The following MAPK10 variants were observed in gnomAD, a reference collection of about 807,000 sequenced individuals.
The protein encoded by MAPK10 is JNK3 alpha protein kinase.
MAPK10 carries 25 observed loss-of-function variants against 59.3 expected under a neutral mutation model. That is an observed-to-expected ratio of 0.42 (90% confidence interval 0.31 to 0.59). The LOEUF (loss-of-function observed/expected upper bound fraction) is 0.59, where lower values mean the gene tolerates loss of function less well. Among genes scored for constraint, MAPK10 ranks in the 20% least tolerant of loss-of-function variants. The pLI is 0.15. For missense variants in MAPK10, 351 were observed against 568.9 expected, an observed-to-expected ratio of 0.62 and a Z score of 3.90; for synonymous variants, 190 against 200.5, an observed-to-expected ratio of 0.95 and a Z score of 0.44.
chr4:86,144,464 C>T (rs1194856621), intron 4 of MAPK10, among the ~76,000 whole-genome samples: 1 of 151,980 alleles, frequency 6.6e-6, no homozygotes, highest in Non-Finnish European at 1.5e-5. Context: ...TATAGAAGAA[C>T]CTCTAGAGAA....
At chr4:86,067,737 T>A in intron 10 of MAPK10, 36 bp downstream of exon 10, 1 of 1,571,826 alleles carries the variant, frequency 6.4e-7, no homozygotes, top group South Asian at 1.2e-5. Flanking sequence ...CCCGTCACCC[T>A]CATAGTTGTC....
chr4:86,106,344 T>C (rs765441743), intron 5 of MAPK10, among the ~76,000 whole-genome samples: 1 of 151,888 alleles, frequency 6.6e-6, no homozygotes, highest in Admixed American at 6.6e-5. Flanking sequence ...AGAGTTATTA[T>C]AGCTATTATA....
At chr4:86,224,985 G>C (rs2090358672) in intron 2 of MAPK10, among the ~76,000 whole-genome samples, 1 of 152,168 alleles carries the variant, frequency 6.6e-6, no homozygotes, top group Non-Finnish European at 1.5e-5. Flanking sequence ...AAGGAACCTT[G>C]AAGTTAACTG....
chr4:86,366,630 A>T lies in MAPK10; in HGVS notation c.-121-11986T>A, dbSNP rs535579107. ...GACAATTGATGGAGATTTACATAGC[A>T]ATCAACAGATGAGAATTCAGACTCT... is the stretch of plus-strand genomic sequence containing the variant. On this transcript the variant is annotated intron_variant, in intron 1 of 13. Coordinates refer to the MAPK10 transcript ENST00000361569. Among the ~76,000 whole-genome samples, 6 of 152,246 alleles carry T rather than the reference A, an allele frequency of 3.9e-5. No homozygotes were observed. The South Asian group carries it at 8.3e-4, about 21-fold the overall frequency.
At chr4:86,283,264 A>C (rs1205141768) in intron 2 of MAPK10, among the ~76,000 whole-genome samples, 2 of 152,200 alleles carry the variant, frequency 1.3e-5, no homozygotes, top group African/African-American at 4.8e-5. Context: ...CAACATGAGA[A>C]GACTGAATAA....
At chr4:86,468,925 A>G (rs1296728123) in intron 1 of MAPK10, among the ~76,000 whole-genome samples, 2 of 152,102 alleles carry the variant, frequency 1.3e-5, no homozygotes, top group Admixed American at 6.6e-5. Context: ...TGTGTAGTAG[A>G]GGTAGGATTA....
intron 2 of MAPK10, chr4:86,335,278 A>T (rs919815518): frequency 6.6e-6 from 1 of 152,238 alleles, no homozygotes; most frequent in Non-Finnish European, 1.5e-5. Context: ...ATCAAACTCT[A>T]TTCAAACTAA....
chr4:86,529,345 C>T (rs1409398731), intron 1 of MAPK10, among the ~76,000 whole-genome samples: 1 of 152,168 alleles, frequency 6.6e-6, no homozygotes, highest in African/African-American at 2.4e-5. Context: ...TCTGCACCAA[C>T]TCTCAAGTCT....
At chr4:86,139,549 C>T (rs1284917006) in intron 4 of MAPK10, among the ~76,000 whole-genome samples, 1 of 152,060 alleles carries the variant, frequency 6.6e-6, no homozygotes, top group Non-Finnish European at 1.5e-5. Context: ...GGATTAAAGA[C>T]TTAAACGTTA....
chr4:86,199,362 A>T lies in MAPK10; in HGVS notation c.-6-4955T>A, dbSNP rs554260220. On this transcript the variant is annotated intron_variant, in intron 2 of 13. Coordinates refer to ENST00000641462, the MANE Select transcript of MAPK10 (RefSeq NM_138982.4). ...TTTAGTGGAATACCATATAGCAATG[A>T]AATAGTTGAATAGTGAAACAAGTAT... 4.6e-5 allele frequency among the ~76,000 whole-genome samples: 7 copies of T among 152,252 alleles called. No homozygotes were observed. The East Asian group carries it at 1.4e-3, about 29-fold the overall frequency.
chr4:86,215,789 G>C (rs1022379292), intron 2 of MAPK10, among the ~76,000 whole-genome samples: 2 of 152,168 alleles, frequency 1.3e-5, no homozygotes, highest in African/African-American at 4.8e-5. Flanking sequence ...TTGAACCCGG[G>C]AGGCGGAGGT....
At chr4:86,034,205 G>C (rs2039700646) in intron 11 of MAPK10, among the ~76,000 whole-genome samples, 1 of 152,136 alleles carries the variant, frequency 6.6e-6, no homozygotes, top group Non-Finnish European at 1.5e-5. Flanking sequence ...AGTTATCAGG[G>C]CCTGTGACTT....
intron 1 of MAPK10, among the ~76,000 whole-genome samples, chr4:86,586,854 G>T (rs1447119627): frequency 6.6e-6 from 1 of 152,150 alleles, no homozygotes; most frequent in African/African-American, 2.4e-5. Context: ...AAGAAAAGTG[G>T]AAGTTACAGG....
chr4:86,363,768 T>TA (rs1258304898), upstream of MAPK10, among the ~76,000 whole-genome samples: 24 of 152,150 alleles, frequency 1.6e-4, no homozygotes, highest in Non-Finnish European at 2.4e-4. Context: ...TTTAGTTAAC[T>TA]AAAATTTTGG....
chr4:86,260,191 C>T (rs1238243832), intron 2 of MAPK10, among the ~76,000 whole-genome samples: 2 of 152,072 alleles, frequency 1.3e-5, no homozygotes, highest in African/African-American at 2.4e-5. Flanking sequence ...CACTCAGTCT[C>T]ATTTTGGACC....
intron 9 of MAPK10, among the ~76,000 whole-genome samples, chr4:86,068,431 A>G (rs544420736): frequency 6.6e-6 from 1 of 152,104 alleles, no homozygotes; most frequent in African/African-American, 2.4e-5. Context: ...TATCTTTAAG[A>G]TATTTTTTCT....
intron 1 of MAPK10, among the ~76,000 whole-genome samples, chr4:86,510,779 C>T (rs1756167482): frequency 6.6e-6 from 1 of 151,924 alleles, no homozygotes; most frequent in African/African-American, 2.4e-5. Flanking sequence ...TGAAATAAGC[C>T]AGGCACAGAA....
At chr4:86,427,516 T>G (rs1210473735) in intron 1 of MAPK10, among the ~76,000 whole-genome samples, 2 of 152,164 alleles carry the variant, frequency 1.3e-5, no homozygotes, top group Non-Finnish European at 2.9e-5. Flanking sequence ...CTCATTTATC[T>G]CTGAATCCAT....
chr4:86,217,323 A>AT (rs1277005927), intron 2 of MAPK10, among the ~76,000 whole-genome samples: 4 of 152,130 alleles, frequency 2.6e-5, no homozygotes, highest in African/African-American at 4.8e-5. Context: ...GAGAAATAAG[A>AT]TTTTTTCTGT....
Sources: gnomAD v4.1 joint callset for allele counts (sites outside exome capture counted in the v4.1 genomes callset) on GRCh38, gnomAD v4.1.1 for gene constraint, MANE v1.5 for transcripts, NCBI Gene and HGNC (gene_info 2026-07-23, HGNC 2026-07-21) for gene names.